PHF24: variants seen among roughly 807,000 people sequenced by gnomAD.
PHF24 encodes the protein PHD finger protein 24.
PHF24 carries 25 observed loss-of-function variants against 42.6 expected under a neutral mutation model. The observed-to-expected ratio is 0.59, with a 90% CI of 0.43 to 0.82. PHF24 has a LOEUF of 0.82. Among genes scored for constraint, PHF24 ranks in the 40% least tolerant of loss-of-function variants. PHF24 has a pLI of 0.00. For synonymous variants in PHF24, 185 were observed against 204.8 expected, an observed-to-expected ratio of 0.90 and a Z score of 0.83; for missense variants, 470 against 538.1, an observed-to-expected ratio of 0.87 and a Z score of 1.25.
the PHF24 span, among the ~76,000 whole-genome samples, chr9:34,733,095 T>C: frequency 1.2e-3 from 177 of 152,308 alleles, 1 homozygote; most frequent in Non-Finnish European, 1.3e-3. Flanking sequence ...AATGTTGATA[T>C]TGCATAATTG....
chr9:34,711,304 T>C, the PHF24 span, among the ~76,000 whole-genome samples: 20 of 150,930 alleles, frequency 1.3e-4, no homozygotes, highest in Non-Finnish European at 4.4e-5. Context: ...TGGAGTGCGG[T>C]GGCACAATCT....
the PHF24 span, chr9:34,665,669 T>C: frequency 1.4e-6 from 1 of 700,976 alleles, no homozygotes; most frequent in Non-Finnish European, 2.6e-6. Flanking sequence ...TGTCCTGGGC[T>C]CCGAACGTCT....
the PHF24 span, among the ~76,000 whole-genome samples, chr9:34,682,091 C>T: frequency 1.6e-5 from 2 of 121,272 alleles, no homozygotes; most frequent in Middle Eastern, 4.3e-3. Flanking sequence ...CCTCCCAGCT[C>T]AGCTTCCCAA....
chr9:34,837,565 TG>T, the PHF24 span: 1 of 993,286 alleles, frequency 1.0e-6, no homozygotes, highest in Non-Finnish European at 1.5e-6. Flanking sequence ...GCAGAGCACC[TG>T]GCTCTTGGCT....
chr9:34,798,764 A>G, the PHF24 span, among the ~76,000 whole-genome samples: 2,055 of 152,130 alleles, frequency 0.014, 22 homozygotes, highest in Middle Eastern at 0.041. Flanking sequence ...TGGTAGTTCT[A>G]TTTTTAGTTG....
the PHF24 span, among the ~76,000 whole-genome samples, chr9:34,812,522 G>T: frequency 1.3e-5 from 2 of 152,164 alleles, no homozygotes; most frequent in African/African-American, 4.8e-5. Flanking sequence ...TGATGTCAAA[G>T]AAATCATCTA....
At chr9:34,899,192 A>G in the PHF24 span, among the ~76,000 whole-genome samples, 1 of 152,182 alleles carries the variant, frequency 6.6e-6, no homozygotes, top group African/African-American at 2.4e-5. Context: ...GAGAGCGAAC[A>G]GCAAACGAGG....
At chr9:34,982,314 C>G (rs879796115) in exon 8 of PHF24, 5 of 152,184 alleles carry the variant, frequency 3.3e-5, no homozygotes, top group Non-Finnish European at 7.3e-5. Flanking sequence ...TCTGAGAACA[C>G]TTGAGCAACA....
the PHF24 span, among the ~76,000 whole-genome samples, chr9:34,879,691 G>A: frequency 6.6e-6 from 1 of 152,304 alleles, no homozygotes; most frequent in African/African-American, 2.4e-5. Flanking sequence ...CAAGAAATAT[G>A]GGACTATGTG....
At chr9:34,722,638 T>C in the PHF24 span, among the ~76,000 whole-genome samples, 2 of 152,192 alleles carry the variant, frequency 1.3e-5, no homozygotes, top group Non-Finnish European at 2.9e-5. Flanking sequence ...AACAAGATGC[T>C]TCTCAAAGTA....
the PHF24 span, among the ~76,000 whole-genome samples, chr9:34,932,178 T>C: frequency 6.6e-6 from 1 of 152,196 alleles, no homozygotes; most frequent in Admixed American, 6.5e-5. Flanking sequence ...CCTGCTTTTT[T>C]CAACATAGCC....
the PHF24 span, among the ~76,000 whole-genome samples, chr9:34,786,383 C>T: frequency 0.54 from 82,529 of 151,976 alleles, 23,996 homozygotes; most frequent in Middle Eastern, 0.65. Flanking sequence ...TTTAAACTGC[C>T]TTCATTCCCC....
At chr9:34,875,118 C>T in the PHF24 span, among the ~76,000 whole-genome samples, 9 of 152,154 alleles carry the variant, frequency 5.9e-5, no homozygotes, top group African/African-American at 2.2e-4. Flanking sequence ...ACCCCACATC[C>T]TTCCCAGCCT....
At chr9:34,946,383 G>T in the PHF24 span, among the ~76,000 whole-genome samples, 2 of 152,122 alleles carry the variant, frequency 1.3e-5, no homozygotes, top group Non-Finnish European at 2.9e-5. Flanking sequence ...TTCAACAAGA[G>T]TTTCAACTTC....
the PHF24 span, among the ~76,000 whole-genome samples, chr9:34,927,902 G>A: frequency 6.6e-6 from 1 of 152,154 alleles, no homozygotes; most frequent in African/African-American, 2.4e-5. Flanking sequence ...TTTAAGCAGA[G>A]GTGTGACTTC....
the PHF24 span, among the ~76,000 whole-genome samples, chr9:34,822,215 T>G: frequency 6.6e-6 from 1 of 152,210 alleles, no homozygotes; most frequent in Admixed American, 6.5e-5. Flanking sequence ...TTTACCGACA[T>G]AGTTATCATT....
the PHF24 span, among the ~76,000 whole-genome samples, chr9:34,865,302 C>G: frequency 6.7e-6 from 1 of 149,808 alleles, no homozygotes; most frequent in Non-Finnish European, 1.5e-5. Context: ...GTGGCTCATG[C>G]CTGCAATCAC....
At chr9:34,873,454 A>G in the PHF24 span, among the ~76,000 whole-genome samples, 1 of 151,334 alleles carries the variant, frequency 6.6e-6, no homozygotes, top group South Asian at 2.1e-4. Flanking sequence ...CCATCTATTA[A>G]ATAGGGAATC....
chr9:34,689,521 C>G, the PHF24 span: 1 of 353,176 alleles, frequency 2.8e-6, no homozygotes. The surrounding 1 kb of genome is among the most constrained non-coding windows in gnomAD (Gnocchi z 4.1). Flanking sequence ...GCTAGTTAAG[C>G]AGTAGGAGTG....
Sources: allele counts gnomAD v4.1 joint callset (sites outside exome capture counted in the v4.1 genomes callset), GRCh38; gene constraint gnomAD v4.1.1; non-coding constraint Gnocchi (gnomAD v3.1); transcripts MANE v1.5; gene names NCBI Gene and HGNC (gene_info 2026-07-23, HGNC 2026-07-21).